Variants in ALMS1 observed in about 807,000 individuals in gnomAD.
The protein encoded by ALMS1 is centrosome-associated protein ALMS1.
ALMS1 carries 271 observed loss-of-function variants against 352.2 expected under a neutral mutation model. The observed-to-expected ratio is 0.77, with a 90% CI of 0.70 to 0.85. The LOEUF is 0.85. Among genes scored for constraint, ALMS1 ranks in the 40% least tolerant of loss-of-function variants. The probability of loss-of-function intolerance (pLI) is 0.00; values close to 1 mark genes in which losing one functional copy is unlikely to be tolerated. For synonymous variants in ALMS1, 1,865 were observed against 1,761.2 expected, an observed-to-expected ratio of 1.06 and a Z score of -1.48; for missense variants, 5,445 against 4,870.7, an observed-to-expected ratio of 1.12 and a Z score of -3.51.
Position 73,603,147 on chromosome 2 carries a change from G to A in ALMS1, c.12299-94G>A. The stretch of plus-strand genomic sequence containing the variant: ...TCAGTCTTGCCAGCTCAGGGTAGGG[G>A]CACCAAGTCCTAGCAGCTCCCTCTC... On this transcript the variant is annotated intron_variant, in intron 20 of 22. Transcript: ENST00000613296. 4.2e-6 allele frequency: 5 copies of A among 1,185,198 alleles called. No individual in the cohort carries two copies. The African/African-American group carries it at 4.6e-5, about 11-fold the overall frequency. The allele number at this position is 1,185,198 out of a possible 1,614,324, so 73.4% of individuals were successfully genotyped here.
At chr2:73,602,858 G>GTA (rs1410299687) in intron 20 of ALMS1, among the ~76,000 whole-genome samples, 1 of 152,206 alleles carries the variant, frequency 6.6e-6, no homozygotes, top group Non-Finnish European at 1.5e-5. Flanking sequence ...GACATACCTA[G>GTA]TAAGTAAAAG....
In ALMS1 at chr2:73,492,628, C is replaced by G. The variant is rs560736708; in HGVS notation, c.9539+1130C>G. The stretch of plus-strand genomic sequence containing the variant: ...GGAAAGGGTTGGAATGCTGAAAAGT[C>G]CCTTATAGCTCTAAAAGTTAGGGAT... On this transcript the variant is annotated intron_variant, in intron 10 of 22. Coordinates refer to ENST00000613296, the MANE Select transcript of ALMS1 (RefSeq NM_001378454.1). Among the ~76,000 whole-genome samples, 81 of 152,230 alleles carry G rather than the reference C, an allele frequency of 5.3e-4. 1 individual carries two copies. The highest frequency in any genetic ancestry group is 6.8e-3 in the Middle Eastern group (2 of 294).
At chr2:73,442,689 G>A (rs947989060) in intron 7 of ALMS1, among the ~76,000 whole-genome samples, 3 of 152,202 alleles carry the variant, frequency 2.0e-5, no homozygotes, top group African/African-American at 7.2e-5. Flanking sequence ...GCATCAGGTA[G>A]TGACATAGTA....
intron 21 of ALMS1, among the ~76,000 whole-genome samples, chr2:73,604,721 C>G (rs534889149): frequency 5.5e-4 from 83 of 152,134 alleles, no homozygotes; most frequent in Non-Finnish European, 1.1e-3. Context: ...GTTGCTGAGA[C>G]CCTTTCAGGC....
At chr2:73,599,134 A>T (rs1262065178) in intron 16 of ALMS1, among the ~76,000 whole-genome samples, 1 of 152,190 alleles carries the variant, frequency 6.6e-6, no homozygotes, top group African/African-American at 2.4e-5. Flanking sequence ...TTTGGCTAGC[A>T]TTCTCTTCAG....
chr2:73,523,382 C>T (rs1375035390), intron 11 of ALMS1, among the ~76,000 whole-genome samples: 2 of 152,184 alleles, frequency 1.3e-5, no homozygotes, highest in African/African-American at 4.8e-5. Context: ...TCCTTAGAAG[C>T]AGGCTACTAA....
In ALMS1 at chr2:73,572,871, G is replaced by T; in HGVS notation, c.10994G>T (p.Gly3665Val). The change falls in exon 16 of 23, where the codon GGT (glycine) becomes GTT (valine). Residue 3665 changes from glycine (G) to valine (V), a missense_variant. Coordinates refer to ENST00000613296, the MANE Select transcript of ALMS1 (RefSeq NM_001378454.1). ...RGERSVKEWS[G>V]RQQQRNKLQK... ...GAACGAAGTGTGAAGGAATGGAGTG[G>T]TAGACAACAGCAGAGAAATAAGCTT... The T allele has an allele frequency of 6.2e-7, 1 of 1,614,032 alleles. No homozygotes were observed. The highest frequency in any genetic ancestry group is 8.5e-7 in the Non-Finnish European group (1 of 1,179,984).
At chr2:73,599,587 C>G (rs1296210497) in intron 17 of ALMS1, 66 bp downstream of exon 17, 5 of 1,518,432 alleles carry the variant, frequency 3.3e-6, no homozygotes, top group South Asian at 2.3e-5. Context: ...ATGTAAGATA[C>G]TCAACCTCAA....
chr2:73,547,574 C>T (rs1674348440), intron 12 of ALMS1, among the ~76,000 whole-genome samples: 1 of 151,950 alleles, frequency 6.6e-6, no homozygotes, highest in Non-Finnish European at 1.5e-5. Context: ...CAATGGACTC[C>T]CATAAATTTT....
At chr2:73,513,338 C>A (rs889669710) in intron 10 of ALMS1, among the ~76,000 whole-genome samples, 10 of 152,152 alleles carry the variant, frequency 6.6e-5, no homozygotes, top group Admixed American at 1.3e-4. Context: ...TCTGACTCCC[C>A]ATGCTGAACT....
At chr2:73,484,229 G>A (rs1572963746) in intron 9 of ALMS1, among the ~76,000 whole-genome samples, 1 of 151,702 alleles carries the variant, frequency 6.6e-6, no homozygotes, top group East Asian at 1.9e-4. Context: ...TCCTTTCCAT[G>A]TTTAGTGCTT....
rs1301217256 is a variant in ALMS1 at position 73,451,228 on chromosome 2, C to T, written c.4701C>T (p.Thr1567=). 1.6e-5 allele frequency: 26 copies of T among 1,612,704 alleles called. No homozygotes were observed. The South Asian group carries it at 2.5e-4, about 16-fold the overall frequency. ...AGACAACTGGCATACCAACCATAACCTCTACTTCCTACTCATTTGGAGAGA... is the reference window on the plus strand; with the variant it reads ...AGACAACTGGCATACCAACCATAACTTCTACTTCCTACTCATTTGGAGAGA... ...ADQTTGIPTI[T]STSYSFGEKP... is the part of the protein sequence containing the mutation. Residue 1567 remains threonine, a synonymous_variant, in exon 8 of 23, where the codon ACC becomes ACT. Coordinates refer to ENST00000613296, the MANE Select transcript of ALMS1 (RefSeq NM_001378454.1).
chr2:73,452,600 C>G lies in ALMS1; in HGVS notation c.6073C>G (p.Pro2025Ala). The G allele has an allele frequency of 6.2e-7, 1 of 1,614,062 alleles. No homozygotes were observed. Among genetic ancestry groups the G allele is most frequent in the Non-Finnish European group, 8.5e-7 (1 of 1,179,988 alleles). The change falls in exon 8 of 23, where the codon CCC becomes GCC. Residue 2025 changes from proline (P) to alanine (A), a missense_variant. Physicochemically the swap from Pro to Ala is conservative, Grantham distance 27. Transcript: ENST00000613296. ...TLSSYSQIEKPKISTVIGPND... is the reference protein window; with the variant it reads ...TLSSYSQIEKAKISTVIGPND... ...TAGTTCCTACTCACAAATAGAGAAG[C>G]CCAAGATTTCAACTGTGATTGGACC...
chr2:73,467,115 C>G (rs940204855), intron 9 of ALMS1, among the ~76,000 whole-genome samples: 2 of 33,186 alleles, frequency 6.0e-5, no homozygotes. Flanking sequence ...AACAAAAATA[C>G]ACTTCATAAA....
At chr2:73,517,129 G>A (rs545743722) in intron 10 of ALMS1, among the ~76,000 whole-genome samples, 6 of 151,330 alleles carry the variant, frequency 4.0e-5, no homozygotes, top group South Asian at 2.1e-4. Context: ...GTAGACATAC[G>A]GTAGAGACTC....
At chr2:73,546,081 C>A (rs752553612) in intron 12 of ALMS1, among the ~76,000 whole-genome samples, 1 of 152,138 alleles carries the variant, frequency 6.6e-6, no homozygotes, top group Admixed American at 6.5e-5. Flanking sequence ...TGAGCAGACA[C>A]GATGTCAATT....
chr2:73,538,855 C>G (rs557313100), intron 12 of ALMS1, among the ~76,000 whole-genome samples: 11 of 152,144 alleles, frequency 7.2e-5, no homozygotes, highest in Non-Finnish European at 1.3e-4. Flanking sequence ...CCTCCATTGC[C>G]GAGGCTTGAG....
At chr2:73,510,586 G>A (rs184017517) in intron 10 of ALMS1, among the ~76,000 whole-genome samples, 3 of 152,296 alleles carry the variant, frequency 2.0e-5, no homozygotes, top group African/African-American at 7.2e-5. Context: ...TACCTCTGAA[G>A]TTTTGTCCCA....
rs747790543 is a variant in ALMS1 at position 73,448,658 on chromosome 2, G to C, written c.2131G>C (p.Val711Leu). The part of the protein sequence containing the change: ...PADQKTGTAT[V>L]LSTPHSHREK... ...TGACCAGAAGACTGGGACAGCAACAGTACTCTCTACTCCCCACTCACATAG... is the reference window on the plus strand; with the variant it reads ...TGACCAGAAGACTGGGACAGCAACACTACTCTCTACTCCCCACTCACATAG... The change falls in exon 8 of 23, where the codon GTA (valine) becomes CTA (leucine). Residue 711 changes from valine (V) to leucine (L), a missense_variant. Val to Leu is a conservative substitution (Grantham distance 32). Coordinates refer to ENST00000613296, the MANE Select transcript of ALMS1 (RefSeq NM_001378454.1). The C allele has an allele frequency of 6.2e-7, 1 of 1,611,746 alleles. No individual in the cohort carries two copies. The highest frequency in any genetic ancestry group is 2.2e-5 in the East Asian group (1 of 44,758).
Sources: allele counts gnomAD v4.1 joint callset (sites outside exome capture counted in the v4.1 genomes callset), GRCh38; gene constraint gnomAD v4.1.1; transcripts MANE v1.5; gene names NCBI Gene and HGNC (gene_info 2026-07-23, HGNC 2026-07-21).